Variants in ZNF454 observed in about 807,000 individuals in gnomAD.
The protein encoded by ZNF454 is zinc finger protein 454.
Under a neutral mutation model 48.2 loss-of-function variants are expected in ZNF454, and 30 were observed. The ratio of observed to expected loss-of-function variants is 0.62; its 90% confidence interval spans 0.47 to 0.84. The LOEUF (loss-of-function observed/expected upper bound fraction) is 0.84. Among genes scored for constraint, ZNF454 ranks in the 40% least tolerant of loss-of-function variants. ZNF454 has a pLI of 0.00. For missense variants in ZNF454, 510 were observed against 623.1 expected (o/e 0.82, Z 1.93); for synonymous variants, 204 against 211.4 (o/e 0.97, Z 0.30).
Position 178,965,873 on chromosome 5 carries a change from A to G in ZNF454, c.1469A>G (p.His490Arg). The change falls in exon 5 of 5, where the codon CAC becomes CGC. Residue 490 changes from histidine (H) to arginine (R), a missense_variant. By Grantham distance (29) the His-to-Arg change is conservative. Coordinates refer to ENST00000519564, the MANE Select transcript of ZNF454 (RefSeq NM_001178089.3). The surrounding 1 kb of genome is among the most constrained non-coding windows in gnomAD (Gnocchi z 5.2). ...STHLTQHQRI[H>R]TGEKPYKCNK... ...CACCTGACTCAACATCAGAGGATTC[A>G]CACAGGAGAGAAACCCTATAAATGT... is the stretch of plus-strand genomic sequence containing the variant. The G allele has an allele frequency of 6.2e-7, 1 of 1,614,122 alleles. No homozygotes were observed. Among genetic ancestry groups the G allele is most frequent in the African/African-American group, 1.3e-5 (1 of 75,040 alleles).
At chr5:178,969,432 A>G, downstream of ZNF454, 1 of 456,276 alleles carries the variant, frequency 2.2e-6, no homozygotes, top group Non-Finnish European at 4.4e-6. Context: ...TTTCCTAGAA[A>G]GAGCAGTTCA....
chr5:178,961,586 C>T (rs932854609), intron 4 of ZNF454, among the ~76,000 whole-genome samples: 5 of 151,592 alleles, frequency 3.3e-5, no homozygotes, highest in Admixed American at 1.3e-4. Flanking sequence ...GAGGCCAAGG[C>T]GGGCGGATTG....
chr5:178,983,528 C>A, the ZNF454 span: 4 of 583,080 alleles, frequency 6.9e-6, no homozygotes, highest in South Asian at 6.2e-5. Flanking sequence ...TGTCCTCTTC[C>A]TGCATTCTAG....
chr5:178,985,696 C>CT, the ZNF454 span: 1 of 356,226 alleles, frequency 2.8e-6, no homozygotes, highest in African/African-American at 3.1e-5. Flanking sequence ...CAGCGAGACT[C>CT]TGTCTAAAAA....
At chr5:178,986,872 G>A in the ZNF454 span, 1 of 1,614,008 alleles carries the variant, frequency 6.2e-7, no homozygotes, top group Non-Finnish European at 8.5e-7. Context: ...CTGGCCCACT[G>A]CCTGGTACCC....
In ZNF454 at chr5:178,941,406, C is replaced by T; in HGVS notation, c.-146C>T. On this transcript the variant is annotated 5_prime_UTR_variant, in exon 1 of 5. Transcript: ENST00000519564. The surrounding 1 kb of genome is among the most constrained non-coding windows in gnomAD (Gnocchi z 5.5). The stretch of plus-strand genomic sequence containing the variant: ...GAGGAGGTGCGGGTTGTGGTCCATT[C>T]TGGAGGACGCTGATCGAATGCCCCA... 2.2e-6 allele frequency: 1 copy of T among 456,752 alleles called. No homozygotes were observed. The highest frequency in any genetic ancestry group is 1.5e-5 in the South Asian group (1 of 64,570). 28.3% of individuals were successfully genotyped at this position (456,752 alleles called of 1,614,324 possible).
At chr5:178,981,343 T>C in the ZNF454 span, 10,008 of 336,166 alleles carry the variant, frequency 0.03, 232 homozygotes, top group South Asian at 0.072. This position sits in a 1 kb window ranked among gnomAD's most constrained non-coding sequence, Gnocchi z 5.1. Context: ...GCCCAGGGCT[T>C]CATCATCCTC....
downstream of ZNF454, among the ~76,000 whole-genome samples, chr5:178,968,179 A>T (rs987691960): frequency 1.3e-5 from 2 of 151,248 alleles, no homozygotes; most frequent in African/African-American, 4.9e-5. Flanking sequence ...ACCACAAGGA[A>T]TGGAGGAGCC....
chr5:178,941,212 G>C lies in ZNF454; in HGVS notation c.-340G>C. 2 of 359,288 alleles carry C rather than the reference G, an allele frequency of 5.6e-6. No individual in the cohort carries two copies. The highest frequency in any genetic ancestry group is 1.5e-4 in the East Asian group (2 of 13,392). The allele number at this position is 359,288 out of a possible 1,614,324, so 22.3% of individuals were successfully genotyped here. A position where few individuals can be genotyped will look rare whatever the true frequency, so the allele number is the denominator to read the frequency against. On this transcript the variant is annotated 5_prime_UTR_variant, in exon 1 of 5. Coordinates refer to ENST00000519564, the MANE Select transcript of ZNF454 (RefSeq NM_001178089.3). This position sits in a 1 kb window ranked among gnomAD's most constrained non-coding sequence, Gnocchi z 5.5. ...AAGCGCAGTTCGGCTCCCGGCTGCA[G>C]ACTCCAGCTCATTGTGTTCTGACTG... is the stretch of plus-strand genomic sequence containing the variant.
the ZNF454 span, chr5:178,986,040 G>A: frequency 8.2e-7 from 1 of 1,218,456 alleles, no homozygotes; most frequent in Non-Finnish European, 1.2e-6. Context: ...GGGACTACAG[G>A]CGTGTGCCAC....
At chr5:178,968,758 CTGAGTTG>C, downstream of ZNF454, 1 of 456,720 alleles carries the variant, frequency 2.2e-6, no homozygotes. Flanking sequence ...CGTTTCTAAG[CTGAGTTG>C]GTTGGTGGTT....
chr5:178,967,915 A>G (rs1760189687), downstream of ZNF454, among the ~76,000 whole-genome samples: 1 of 150,898 alleles, frequency 6.6e-6, no homozygotes, highest in Non-Finnish European at 1.5e-5. Context: ...AATTTTTTGT[A>G]TTTTTAGTAG....
chr5:178,966,052 T>G lies in ZNF454; in HGVS notation c.*79T>G. 2 of 1,202,992 alleles carry G rather than the reference T, an allele frequency of 1.7e-6. No individual in the cohort carries two copies. The highest frequency in any genetic ancestry group is 2.3e-6 in the Non-Finnish European group (2 of 859,728). 74.5% of individuals were successfully genotyped at this position (1,202,992 alleles called of 1,614,324 possible). On this transcript the variant is annotated 3_prime_UTR_variant, in exon 5 of 5. Coordinates refer to ENST00000519564, the MANE Select transcript of ZNF454 (RefSeq NM_001178089.3). ...ATGTGAGATAATCCGTTCTAGAGAATAACTATGAAAGCTTGCATCAAGATA... is the reference window on the plus strand; with the variant it reads ...ATGTGAGATAATCCGTTCTAGAGAAGAACTATGAAAGCTTGCATCAAGATA...
At chr5:178,971,455 G>A in the ZNF454 span, among the ~76,000 whole-genome samples, 2 of 152,114 alleles carry the variant, frequency 1.3e-5, no homozygotes. Context: ...GCAGAGGAAT[G>A]TTGCTTCTGG....
the ZNF454 span, among the ~76,000 whole-genome samples, chr5:178,984,124 G>A: frequency 3.1e-4 from 47 of 152,194 alleles, no homozygotes; most frequent in East Asian, 2.1e-3. Context: ...TCAGGAGATC[G>A]AGACCAACTT....
chr5:178,946,499 C>G lies in ZNF454; in HGVS notation c.160+14C>G. ...TGGTCTCACTGGGTAAGTGGGACCC[C>G]TGCAAGGTTTCTCTTCACTTTTGGG... On this transcript the variant is annotated intron_variant, in intron 3 of 4. Coordinates refer to ENST00000519564, the MANE Select transcript of ZNF454 (RefSeq NM_001178089.3). The surrounding 1 kb of genome is among the most constrained non-coding windows in gnomAD (Gnocchi z 4.5). The G allele has an allele frequency of 3.8e-6, 6 of 1,580,508 alleles. No homozygotes were observed. Among genetic ancestry groups the G allele is most frequent in the Non-Finnish European group, 4.3e-6 (5 of 1,168,124 alleles).
In ZNF454 at chr5:178,946,723, A is replaced by C. The variant is rs1398489040; in HGVS notation, c.161-174A>C. ...CTGGCAAGGAGGGGAACATGGGATA[A>C]GATTGTGTCAGGCCTGAGTAATCTT... On this transcript the variant is annotated intron_variant, in intron 3 of 4. Coordinates refer to ENST00000519564, the MANE Select transcript of ZNF454 (RefSeq NM_001178089.3). This position sits in a 1 kb window ranked among gnomAD's most constrained non-coding sequence, Gnocchi z 4.5. Among the ~76,000 whole-genome samples the C allele has an allele frequency of 4.6e-5, 7 of 152,290 alleles. No homozygotes were observed. The East Asian group carries it at 1.4e-3, about 29-fold the overall frequency.
chr5:178,971,962 C>T, the ZNF454 span, among the ~76,000 whole-genome samples: 6 of 152,094 alleles, frequency 3.9e-5, no homozygotes, highest in African/African-American at 1.4e-4. Context: ...GAGATGGAGT[C>T]TCACTCTGTC....
the ZNF454 span, among the ~76,000 whole-genome samples, chr5:178,984,274 AGTG>A: frequency 7.7e-6 from 1 of 129,424 alleles, no homozygotes; most frequent in Non-Finnish European, 1.8e-5. Flanking sequence ...CAGCCCGTGG[AGTG>A]GGGAGCGAGC....
Sources: allele counts gnomAD v4.1 joint callset (sites outside exome capture counted in the v4.1 genomes callset), GRCh38; gene constraint gnomAD v4.1.1; non-coding constraint Gnocchi (gnomAD v3.1); transcripts MANE v1.5; gene names NCBI Gene and HGNC (gene_info 2026-07-23, HGNC 2026-07-21).